HIVEP2: variants seen among roughly 807,000 people sequenced by gnomAD.
The protein encoded by HIVEP2 is HIVEP zinc finger 2, also known as transcription factor HIVEP2.
Under a neutral mutation model 180.7 loss-of-function variants are expected in HIVEP2, and 14 were observed. That is an observed-to-expected ratio of 0.08 (90% CI 0.05 to 0.12). The LOEUF is 0.12. HIVEP2 is among the 10% of genes least tolerant of loss of function. The pLI is 1.00. For missense variants in HIVEP2, 2,579 were observed against 3,008.5 expected, an observed-to-expected ratio of 0.86 and a Z score of 3.34; for synonymous variants, 1,184 against 1,136.4, an observed-to-expected ratio of 1.04 and a Z score of -0.84.
At chr6:142,781,251 T>C (rs1406063756) in intron 3 of HIVEP2, among the ~76,000 whole-genome samples, 1 of 152,158 alleles carries the variant, frequency 6.6e-6, no homozygotes, top group Non-Finnish European at 1.5e-5. Flanking sequence ...AATTGATATA[T>C]CAAAAAATGC....
chr6:142,911,644 C>T (rs1777410234), intron 1 of HIVEP2, among the ~76,000 whole-genome samples: 1 of 152,164 alleles, frequency 6.6e-6, no homozygotes. Flanking sequence ...GGACTCTTTG[C>T]TCAGCCTGAC....
chr6:142,907,549 GAATA>G (rs756189828), intron 1 of HIVEP2, among the ~76,000 whole-genome samples: 3 of 152,220 alleles, frequency 2.0e-5, no homozygotes, highest in South Asian at 2.1e-4. Flanking sequence ...ATGAATGAAT[GAATA>G]AATTTCCTTT....
At chr6:142,842,723 G>A (rs1775399925) in intron 1 of HIVEP2, among the ~76,000 whole-genome samples, 1 of 151,970 alleles carries the variant, frequency 6.6e-6, no homozygotes, top group Non-Finnish European at 1.5e-5. Context: ...CAAGCTGAGT[G>A]GGTGTAAGCA....
At chr6:142,822,920 AT>A (rs980440198) in intron 2 of HIVEP2, among the ~76,000 whole-genome samples, 1 of 152,218 alleles carries the variant, frequency 6.6e-6, no homozygotes, top group African/African-American at 2.4e-5. Context: ...AAGAAGTGAC[AT>A]TAACACCAAT....
At chr6:142,910,357 C>G (rs1408057014) in intron 1 of HIVEP2, among the ~76,000 whole-genome samples, 2 of 152,238 alleles carry the variant, frequency 1.3e-5, no homozygotes, top group Non-Finnish European at 2.9e-5. Flanking sequence ...AATCCCAGCA[C>G]TTTGGGAGGC....
chr6:142,822,580 A>C (rs1396497914), intron 2 of HIVEP2, among the ~76,000 whole-genome samples: 1 of 152,210 alleles, frequency 6.6e-6, no homozygotes. Flanking sequence ...CTTCAGTTAG[A>C]GATTAATGAA....
intron 3 of HIVEP2, among the ~76,000 whole-genome samples, chr6:142,777,737 C>T (rs1775741687): frequency 1.3e-5 from 2 of 149,028 alleles, no homozygotes; most frequent in East Asian, 3.9e-4. Flanking sequence ...TTTTACCTTC[C>T]ATCTCATGAC....
At chr6:142,909,145 T>C (rs184887702) in intron 1 of HIVEP2, among the ~76,000 whole-genome samples, 4 of 152,304 alleles carry the variant, frequency 2.6e-5, no homozygotes, top group Admixed American at 2.6e-4. Context: ...TTAATTAGAA[T>C]GCATGCTGAA....
At chr6:142,875,800 T>G (rs1776419935) in intron 1 of HIVEP2, among the ~76,000 whole-genome samples, 1 of 152,176 alleles carries the variant, frequency 6.6e-6, no homozygotes, top group African/African-American at 2.4e-5. Flanking sequence ...CACTGATAGT[T>G]CTCTTTTGCC....
intron 2 of HIVEP2, among the ~76,000 whole-genome samples, chr6:142,790,136 G>C (rs990041234): frequency 6.6e-6 from 1 of 152,054 alleles, no homozygotes; most frequent in Non-Finnish European, 1.5e-5. Flanking sequence ...TAAAAGCAAA[G>C]ATAGCTCTTT....
intron 1 of HIVEP2, among the ~76,000 whole-genome samples, chr6:142,928,688 CAT>C (rs1351136347): frequency 6.6e-6 from 1 of 152,106 alleles, no homozygotes; most frequent in African/African-American, 2.4e-5. Context: ...ATTTGCTTCA[CAT>C]ATATATATTT....
intron 1 of HIVEP2, among the ~76,000 whole-genome samples, chr6:142,937,999 G>C (rs1778095015): frequency 6.6e-6 from 1 of 152,070 alleles, no homozygotes; most frequent in Non-Finnish European, 1.5e-5. Context: ...GTTCATCCTT[G>C]TAATACCATA....
chr6:142,836,168 T>C (rs1021498141), intron 2 of HIVEP2, among the ~76,000 whole-genome samples: 4 of 152,176 alleles, frequency 2.6e-5, no homozygotes, highest in African/African-American at 7.2e-5. Context: ...AATTTTTCTT[T>C]ACTGTGTAAA....
rs1051714822 is a variant in HIVEP2, at chr6:142,752,552, T to A, written c.*555A>T. The stretch of plus-strand genomic sequence containing the variant: ...TTTGTTCTAGTTACGCAACAGTAAA[T>A]CCCATGCTTCACATAGAAAAGCAAT... On this transcript the variant is annotated 3_prime_UTR_variant, in exon 10 of 10. Transcript: ENST00000367603. 6.5e-6 allele frequency: 1 copy of A among 153,404 alleles called. No homozygotes were observed. The highest frequency in any genetic ancestry group is 2.4e-5 in the African/African-American group (1 of 41,418). 9.5% of individuals were successfully genotyped at this position (153,404 alleles called of 1,614,324 possible).
At chr6:142,857,523 T>G (rs1775855260) in intron 1 of HIVEP2, among the ~76,000 whole-genome samples, 1 of 152,212 alleles carries the variant, frequency 6.6e-6, no homozygotes, top group Admixed American at 6.5e-5. Context: ...CACAGACGGC[T>G]GCATCATGAG....
intron 1 of HIVEP2, among the ~76,000 whole-genome samples, chr6:142,897,933 C>T (rs1027337034): frequency 2.6e-5 from 4 of 152,318 alleles, no homozygotes; most frequent in South Asian, 4.1e-4. Context: ...TTGTCTATCT[C>T]GGCTTCCCTA....
intron 1 of HIVEP2, among the ~76,000 whole-genome samples, chr6:142,870,690 C>T (rs1008650130): frequency 1.3e-5 from 2 of 152,034 alleles, no homozygotes; most frequent in African/African-American, 2.4e-5. Context: ...TCACAACAAC[C>T]CTACCATATA....
At chr6:142,803,419 T>G (rs768010027) in intron 2 of HIVEP2, among the ~76,000 whole-genome samples, 1 of 152,132 alleles carries the variant, frequency 6.6e-6, no homozygotes, top group African/African-American at 2.4e-5. Flanking sequence ...ATATAATTAG[T>G]TGAAGAACAG....
intron 1 of HIVEP2, among the ~76,000 whole-genome samples, chr6:142,868,228 CA>C (rs2128410124): frequency 6.6e-6 from 1 of 152,270 alleles, no homozygotes; most frequent in African/African-American, 2.4e-5. Context: ...CACAACACTT[CA>C]ATCCTTTATC....
Sources: allele counts gnomAD v4.1 joint callset (sites outside exome capture counted in the v4.1 genomes callset), GRCh38; gene constraint gnomAD v4.1.1; transcripts MANE v1.5; gene names NCBI Gene and HGNC (gene_info 2026-07-23, HGNC 2026-07-21).